The following PAWR variants were observed in gnomAD, a reference collection of about 807,000 sequenced individuals.
PAWR encodes pro-apoptotic WT1 regulator.
Under a neutral mutation model 32.0 loss-of-function variants are expected in PAWR, and 23 were observed. The ratio of observed to expected loss-of-function variants is 0.72; its 90% CI spans 0.52 to 1.02. PAWR has a LOEUF of 1.02. Ranked by LOEUF, PAWR falls within the 50% of genes least tolerant of loss-of-function variation. The pLI is 0.00. For missense variants in PAWR, 457 were observed against 437.7 expected, an observed-to-expected ratio of 1.04 and a Z score of -0.39; for synonymous variants, 226 against 187.1, an observed-to-expected ratio of 1.21 and a Z score of -1.70.
intron 3 of PAWR, among the ~76,000 whole-genome samples, chr12:79,618,125 C>G (rs1161803232): frequency 6.8e-6 from 1 of 146,014 alleles, no homozygotes; most frequent in Non-Finnish European, 1.5e-5. Flanking sequence ...CTCATCACTT[C>G]TTTTTTTTTT....
chr12:79,634,260 T>G (rs1450054844), intron 2 of PAWR, among the ~76,000 whole-genome samples: 1 of 152,196 alleles, frequency 6.6e-6, no homozygotes, highest in African/African-American at 2.4e-5. Flanking sequence ...TATGTATGAA[T>G]GATAAGGATA....
At chr12:79,669,720 C>CT (rs929299436) in intron 2 of PAWR, among the ~76,000 whole-genome samples, 17 of 150,872 alleles carry the variant, frequency 1.1e-4, no homozygotes, top group Admixed American at 2.0e-4. Context: ...GTTATTCATT[C>CT]TTTTTTTTTG....
chr12:79,615,572 C>A lies in PAWR; in HGVS notation c.649-1963G>T, dbSNP rs142072476. ...CAGCAAGGACAACAACAAAACCTGG[C>A]AAGCAAACTTTAAAGAGTTTCTTAT... On this transcript the variant is annotated intron_variant, in intron 3 of 6. Coordinates refer to ENST00000328827, the MANE Select transcript of PAWR (RefSeq NM_002583.4). 2.2e-3 allele frequency among the ~76,000 whole-genome samples: 342 copies of A among 152,254 alleles called. 1 individual carries two copies. Among genetic ancestry groups the A allele is most frequent in the African/African-American group, 8.0e-3 (333 of 41,562 alleles).
At chr12:79,659,020 G>A (rs542304838) in intron 2 of PAWR, among the ~76,000 whole-genome samples, 1 of 151,986 alleles carries the variant, frequency 6.6e-6, no homozygotes, top group African/African-American at 2.4e-5. Context: ...ACATCTGGCT[G>A]GGCACAGAGG....
At chr12:79,675,207 T>G (rs1878103720) in intron 2 of PAWR, among the ~76,000 whole-genome samples, 1 of 152,014 alleles carries the variant, frequency 6.6e-6, no homozygotes, top group South Asian at 2.1e-4. Context: ...CAAAACCCTG[T>G]CTCTACTAAA....
intron 4 of PAWR, among the ~76,000 whole-genome samples, chr12:79,608,980 G>C (rs1024932199): frequency 6.6e-6 from 1 of 152,118 alleles, no homozygotes; most frequent in Non-Finnish European, 1.5e-5. Context: ...AGGAGGTAAA[G>C]GTTGCTTCAG....
intron 2 of PAWR, among the ~76,000 whole-genome samples, chr12:79,687,043 T>A (rs1391155408): frequency 6.6e-6 from 1 of 152,204 alleles, no homozygotes; most frequent in African/African-American, 2.4e-5. Context: ...GCAAGAAGTA[T>A]GCCACGTCCA....
At chr12:79,607,707 C>G (rs1196985470) in intron 4 of PAWR, among the ~76,000 whole-genome samples, 1 of 145,234 alleles carries the variant, frequency 6.9e-6, no homozygotes, top group Non-Finnish European at 1.5e-5. Context: ...CCAGCCTGGG[C>G]ATCGGAGTGA....
chr12:79,689,811 C>T lies in PAWR; in HGVS notation c.434G>A (p.Arg145Lys). The change falls in exon 2 of 7, where the codon AGG becomes AAG. Residue 145 changes from arginine (R) to lysine (K), a missense_variant. Transcript: ENST00000328827. The stretch of plus-strand genomic sequence containing the variant: ...CTTCTCGATCTGCCCCTTGCCTTTC[C>T]TGGCACTGGGGCCCGAGCTCTTGCC... Reference protein sequence around the residue: ...EKGKSSGPSARKGKGQIEKRK... With the variant: ...EKGKSSGPSAKKGKGQIEKRK... 1.3e-6 allele frequency: 2 copies of T among 1,595,570 alleles called. No individual in the cohort carries two copies. The highest frequency in any genetic ancestry group is 1.7e-6 in the Non-Finnish European group (2 of 1,172,020).
chr12:79,599,347 T>A (rs1165684835), intron 4 of PAWR, among the ~76,000 whole-genome samples: 1 of 152,222 alleles, frequency 6.6e-6, no homozygotes, highest in Non-Finnish European at 1.5e-5. Flanking sequence ...TAGTGTACTA[T>A]ACTGTGAATT....
At chr12:79,641,987 A>G (rs545714460) in intron 2 of PAWR, among the ~76,000 whole-genome samples, 51 of 152,272 alleles carry the variant, frequency 3.3e-4, no homozygotes, top group African/African-American at 1.2e-3. Flanking sequence ...GATATAATGT[A>G]AAAAATGTAT....
chr12:79,600,583 G>A (rs1478074197), intron 4 of PAWR, among the ~76,000 whole-genome samples: 2 of 150,618 alleles, frequency 1.3e-5, no homozygotes, highest in Non-Finnish European at 2.9e-5. Context: ...CTAGGCTCAA[G>A]TGATCCTTCC....
chr12:79,627,615 T>C (rs1875404356), intron 2 of PAWR, among the ~76,000 whole-genome samples: 1 of 152,172 alleles, frequency 6.6e-6, no homozygotes, highest in African/African-American at 2.4e-5. Flanking sequence ...TTTGTCAATT[T>C]TGGCTTTTGT....
intron 2 of PAWR, among the ~76,000 whole-genome samples, chr12:79,623,724 T>A (rs929314293): frequency 6.6e-6 from 1 of 152,080 alleles, no homozygotes; most frequent in African/African-American, 2.4e-5. Flanking sequence ...AAATTAAAAT[T>A]CCAATCAAAA....
At chr12:79,638,986 C>G (rs1876147827) in intron 2 of PAWR, among the ~76,000 whole-genome samples, 2 of 133,768 alleles carry the variant, frequency 1.5e-5, no homozygotes, top group Non-Finnish European at 3.1e-5. Context: ...GATCTCAGCT[C>G]ACTGCAACCT....
intron 2 of PAWR, among the ~76,000 whole-genome samples, chr12:79,636,742 C>CATTAATAAT (rs1875978138): frequency 6.6e-6 from 1 of 152,050 alleles, no homozygotes; most frequent in African/African-American, 2.4e-5. Flanking sequence ...TACAACCGTT[C>CATTAATAAT]GTAAAATCCT....
intron 3 of PAWR, among the ~76,000 whole-genome samples, chr12:79,618,018 G>A (rs1244345357): frequency 6.6e-6 from 1 of 152,146 alleles, no homozygotes; most frequent in Non-Finnish European, 1.5e-5. Flanking sequence ...CTGTAGAAGT[G>A]TGAGACAATT....
At chr12:79,611,815 A>G (rs1168578148) in intron 4 of PAWR, among the ~76,000 whole-genome samples, 1 of 152,170 alleles carries the variant, frequency 6.6e-6, no homozygotes, top group East Asian at 1.9e-4. Context: ...AATGGTCTCA[A>G]AAGTTTCACA....
intron 2 of PAWR, among the ~76,000 whole-genome samples, chr12:79,669,280 T>C (rs988986217): frequency 2.6e-5 from 4 of 152,312 alleles, no homozygotes; most frequent in East Asian, 1.9e-4. Context: ...ATTTGCAAAA[T>C]AGATTTAAGA....
Sources: allele counts gnomAD v4.1 joint callset (sites outside exome capture counted in the v4.1 genomes callset), GRCh38; gene constraint gnomAD v4.1.1; transcripts MANE v1.5; gene names NCBI Gene and HGNC (gene_info 2026-07-23, HGNC 2026-07-21).